The following BEND7 variants were observed in gnomAD, a reference collection of about 807,000 sequenced individuals.
BEND7 encodes BEN domain containing 7.
A neutral mutation model predicts 50.9 loss-of-function variants in BEND7; 28 were observed. The ratio of observed to expected loss-of-function variants is 0.55; its 90% CI spans 0.41 to 0.75. The LOEUF is 0.75. Among genes scored for constraint, BEND7 ranks in the 30% least tolerant of loss-of-function variants. The pLI is 0.00. For synonymous variants in BEND7, 170 were observed against 183.9 expected (o/e 0.92, Z 0.61); for missense variants, 477 against 491.3 (o/e 0.97, Z 0.28).
intron 6 of BEND7, among the ~76,000 whole-genome samples, chr10:13,473,796 G>A (rs538413737): frequency 6.6e-6 from 1 of 151,034 alleles, no homozygotes; most frequent in East Asian, 2.0e-4. Flanking sequence ...ACTCATCATT[G>A]TTGTTACACT....
At chr10:13,518,170 A>C (rs181175161) in intron 2 of BEND7, among the ~76,000 whole-genome samples, 1 of 152,336 alleles carries the variant, frequency 6.6e-6, no homozygotes, top group East Asian at 1.9e-4. Flanking sequence ...AAAAGACCAC[A>C]ATATATCACA....
At chr10:13,462,065 C>T (rs539796263) in intron 6 of BEND7, among the ~76,000 whole-genome samples, 1 of 152,236 alleles carries the variant, frequency 6.6e-6, no homozygotes, top group Admixed American at 6.5e-5. Context: ...CAATGGACAG[C>T]AAAGTAAGTG....
chr10:13,446,470 G>A (rs527678106), intron 8 of BEND7: 1 of 152,344 alleles, frequency 6.6e-6, no homozygotes, highest in Admixed American at 6.5e-5. Flanking sequence ...TCAGTAAGAG[G>A]GTTTTTGGGG....
chr10:13,528,527 A>C lies in BEND7; in HGVS notation c.7T>G (p.Phe3Val). The change falls in exon 1 of 9, where the codon TTC becomes GTC. Residue 3 changes from phenylalanine to valine, a missense_variant. Around this residue, in one of 3 missense-constraint regions of BEND7, gnomAD observed 396 missense variants for 384.2 expected, o/e 1.03. Transcript: ENST00000466271. The part of the protein sequence containing the change: ME[F>V]SERKRSRKSQ... ...TTCCTGCTTCTTTTCCTCTCGGAGA[A>C]CTCCATGGTGCGGGGAAGGCGGCGG... 1 of 1,035,130 alleles carries C rather than the reference A, an allele frequency of 9.7e-7. No individual in the cohort carries two copies. Among genetic ancestry groups the C allele is most frequent in the Non-Finnish European group, 1.2e-6 (1 of 862,322 alleles). The allele number at this position is 1,035,130 out of a possible 1,614,324, so 64.1% of individuals were successfully genotyped here. A position where few individuals can be genotyped will look rare whatever the true frequency, so the allele number is the denominator to read the frequency against.
At position 13,449,787 on chromosome 10, in the gene BEND7, AT is replaced by A. The variant is rs1431966428; in HGVS notation, c.1184-2472del. ...GAACAGAACATATATAACCAAAAAAATATATAGATGATTATATATAAATCAG... is the reference window on the plus strand; with the variant it reads ...GAACAGAACATATATAACCAAAAAAAATATAGATGATTATATATAAATCAG... On this transcript the variant is annotated intron_variant, in intron 7 of 8. Coordinates refer to ENST00000466271, the MANE Select transcript of BEND7 (RefSeq NM_001369863.1). 8.5e-5 allele frequency among the ~76,000 whole-genome samples: 13 copies of A among 152,242 alleles called. No homozygotes were observed. The East Asian group carries it at 1.9e-3, about 23-fold the overall frequency.
intron 2 of BEND7, among the ~76,000 whole-genome samples, chr10:13,518,118 A>AT (rs1215658432): frequency 1.3e-5 from 2 of 152,230 alleles, no homozygotes; most frequent in Admixed American, 6.5e-5. Context: ...TGAATTTATT[A>AT]TTTTTTTTCA....
intron 6 of BEND7, among the ~76,000 whole-genome samples, chr10:13,469,463 T>C (rs1208676426): frequency 6.6e-6 from 1 of 152,182 alleles, no homozygotes; most frequent in African/African-American, 2.4e-5. Context: ...TCCGTTAATT[T>C]TAAATGAAGG....
chr10:13,470,160 AAAG>A (rs770127452), intron 6 of BEND7, among the ~76,000 whole-genome samples: 2 of 152,226 alleles, frequency 1.3e-5, no homozygotes, highest in Non-Finnish European at 2.9e-5. Flanking sequence ...GGAGTTAAAT[AAAG>A]AAGAGATGGA....
At chr10:13,515,196 A>G (rs975154835) in intron 2 of BEND7, among the ~76,000 whole-genome samples, 4 of 152,226 alleles carry the variant, frequency 2.6e-5, no homozygotes, top group Non-Finnish European at 5.9e-5. Flanking sequence ...GCTCAAGTTT[A>G]TATCATCCAT....
chr10:13,503,240 A>G (rs1476692828), intron 2 of BEND7, among the ~76,000 whole-genome samples: 6 of 152,210 alleles, frequency 3.9e-5, no homozygotes, highest in Non-Finnish European at 8.8e-5. Flanking sequence ...CCGTGTGCAG[A>G]AACATGTCTC....
chr10:13,491,299 C>T (rs958094987), intron 5 of BEND7, among the ~76,000 whole-genome samples: 10 of 135,770 alleles, frequency 7.4e-5, no homozygotes, highest in African/African-American at 1.4e-4. Flanking sequence ...GGCGACACAG[C>T]GAGACTCTGT....
intron 5 of BEND7, among the ~76,000 whole-genome samples, chr10:13,491,364 T>C (rs1212472254): frequency 6.6e-6 from 1 of 151,256 alleles, no homozygotes; most frequent in Non-Finnish European, 1.5e-5. Flanking sequence ...GAATGTACTT[T>C]GTGTTGAGGA....
At position 13,492,880 on chromosome 10, in the gene BEND7, C is replaced by T. The variant is rs773933878; in HGVS notation, c.572-4G>A. 4.4e-6 allele frequency: 7 copies of T among 1,592,892 alleles called. No homozygotes were observed. The highest frequency in any genetic ancestry group is 1.7e-4 in the Middle Eastern group (1 of 5,986). ...TGTTGTCTGTTTTGAGTTCCAACTG[C>T]GAATAATAAACAAAAATATGGTACA... On this transcript the variant is annotated splice_polypyrimidine_tract_variant and splice_region_variant and intron_variant, in intron 4 of 8. Coordinates refer to ENST00000466271, the MANE Select transcript of BEND7 (RefSeq NM_001369863.1).
rs116256521 is a variant in BEND7, at chr10:13,514,817, G to A, written c.145+11321C>T. 4.2e-3 allele frequency among the ~76,000 whole-genome samples: 637 copies of A among 152,332 alleles called. 9 individuals carry two copies. The highest frequency in any genetic ancestry group is 0.015 in the African/African-American group (612 of 41,584). On this transcript the variant is annotated intron_variant, in intron 2 of 8. Transcript: ENST00000466271. ...GCAATGAGAATGAGTTAATGCAACA[G>A]AGGAACCTTACTTTTGCATCTCCTG...
intron 2 of BEND7, among the ~76,000 whole-genome samples, chr10:13,519,373 G>A (rs967428690): frequency 1.3e-5 from 2 of 152,168 alleles, no homozygotes; most frequent in African/African-American, 4.8e-5. Flanking sequence ...CTACTCGGGA[G>A]GCTGAGGCAG....
intron 2 of BEND7, among the ~76,000 whole-genome samples, chr10:13,524,661 AAAAAAG>A (rs1370840405): frequency 1.3e-5 from 2 of 151,584 alleles, no homozygotes; most frequent in Non-Finnish European, 2.9e-5. Flanking sequence ...AAAAAAAAAA[AAAAAAG>A]AATTCCAACT....
chr10:13,442,642 C>T (rs1270223647), intron 8 of BEND7: 1 of 152,146 alleles, frequency 6.6e-6, no homozygotes, highest in Non-Finnish European at 1.5e-5. Flanking sequence ...TGCCAAAACC[C>T]TGTAGCACTC....
intron 5 of BEND7, among the ~76,000 whole-genome samples, chr10:13,487,595 A>G (rs1367487178): frequency 6.6e-6 from 1 of 151,884 alleles, no homozygotes; most frequent in Non-Finnish European, 1.5e-5. Context: ...CATGTTGATC[A>G]CGCTGGTCTC....
intron 2 of BEND7, among the ~76,000 whole-genome samples, chr10:13,515,100 T>A (rs951672249): frequency 1.3e-5 from 2 of 152,242 alleles, no homozygotes; most frequent in African/African-American, 4.8e-5. Flanking sequence ...TATTTTATCA[T>A]GATAATGTAA....
Sources: allele counts gnomAD v4.1 joint callset (sites outside exome capture counted in the v4.1 genomes callset), GRCh38; gene constraint gnomAD v4.1.1; regional missense constraint gnomAD v4.1.1; transcripts MANE v1.5; gene names NCBI Gene and HGNC (gene_info 2026-07-23, HGNC 2026-07-21).